The following USP2 variants were observed in gnomAD, a reference collection of about 807,000 sequenced individuals.
The protein encoded by USP2 is ubiquitin specific peptidase 2, also known as ubiquitin carboxyl-terminal hydrolase 2.
A neutral mutation model predicts 72.0 loss-of-function variants in USP2; 33 were observed. The observed-to-expected ratio is 0.46, with a 90% CI of 0.35 to 0.61. The LOEUF (loss-of-function observed/expected upper bound fraction) is 0.61. Among genes scored for constraint, USP2 ranks in the 20% least tolerant of loss-of-function variants. The probability of loss-of-function intolerance (pLI) is 0.01; values close to 1 mark genes in which losing one functional copy is unlikely to be tolerated. For synonymous variants in USP2, 296 were observed against 312.5 expected, an observed-to-expected ratio of 0.95 and a Z score of 0.56; for missense variants, 691 against 797.8, an observed-to-expected ratio of 0.87 and a Z score of 1.61.
chr11:119,374,435 C>T (rs1950974453), intron 1 of USP2, among the ~76,000 whole-genome samples: 1 of 152,254 alleles, frequency 6.6e-6, no homozygotes, highest in African/African-American at 2.4e-5. Context: ...AACACAGACA[C>T]TGCTGAATGT....
chr11:119,375,308 G>T (rs1004016877), intron 1 of USP2, among the ~76,000 whole-genome samples: 1 of 152,220 alleles, frequency 6.6e-6, no homozygotes, highest in Non-Finnish European at 1.5e-5. Context: ...TGAGCAGGTG[G>T]CTTCCATATA....
At chr11:119,380,212 C>T (rs535641832) in intron 1 of USP2, among the ~76,000 whole-genome samples, 25 of 152,016 alleles carry the variant, frequency 1.6e-4, no homozygotes, top group Admixed American at 9.8e-4. Flanking sequence ...CCACTGCTCC[C>T]GGCCGGAAGT....
chr11:119,357,300 A>G lies in USP2; in HGVS notation c.1617T>C (p.Ala539=), dbSNP rs1237359490. 1.2e-6 allele frequency: 2 copies of G among 1,613,208 alleles called. No individual in the cohort carries two copies. The highest frequency in any genetic ancestry group is 1.3e-5 in the African/African-American group (1 of 74,676). The change falls in exon 12 of 13, where the codon GCT becomes GCC. Residue 539 remains alanine, a synonymous_variant. Transcript: ENST00000260187. ...TGGACACAGCGTACAGGTTGTAAAC[A>G]GCATGGTCTGAGGAGGAGGCAGCCG... ...REFASENTNH[A]VYNLYAVSNH... is the part of the protein sequence containing the mutation.
At chr11:119,368,511 G>A (rs1167327077) in intron 2 of USP2, among the ~76,000 whole-genome samples, 1 of 152,200 alleles carries the variant, frequency 6.6e-6, no homozygotes, top group Non-Finnish European at 1.5e-5. Context: ...TCCCACCCCA[G>A]GGAAAAATCA....
At chr11:119,372,655 C>G in intron 2 of USP2, 52 bp downstream of exon 2, 2 of 1,485,826 alleles carry the variant, frequency 1.3e-6, no homozygotes, top group Non-Finnish European at 1.8e-6. Flanking sequence ...TGGCTGTTCT[C>G]CATCAGTGGC....
chr11:119,360,613 CAG>C (rs563752359), intron 2 of USP2, among the ~76,000 whole-genome samples: 1 of 152,152 alleles, frequency 6.6e-6, no homozygotes, highest in South Asian at 2.1e-4. Context: ...TTAGTAGAGA[CAG>C]GGTTTCGTCA....
intron 2 of USP2, among the ~76,000 whole-genome samples, chr11:119,368,664 C>T (rs887016392): frequency 2.0e-5 from 3 of 152,192 alleles, no homozygotes; most frequent in African/African-American, 4.8e-5. Flanking sequence ...GGTCCTAGAG[C>T]GGAGGGCAAG....
chr11:119,373,768 G>A (rs576468895), intron 1 of USP2, among the ~76,000 whole-genome samples: 1 of 152,264 alleles, frequency 6.6e-6, no homozygotes, highest in African/African-American at 2.4e-5. Context: ...GGAAGTCAGC[G>A]CATCCTGGCC....
chr11:119,369,900 C>T (rs150048335), intron 2 of USP2, among the ~76,000 whole-genome samples: 290 of 152,230 alleles, frequency 1.9e-3, no homozygotes, highest in African/African-American at 6.8e-3. Flanking sequence ...TCTTCTTGGC[C>T]AGGCGTGGTG....
intron 2 of USP2, among the ~76,000 whole-genome samples, chr11:119,371,376 G>A (rs1379486642): frequency 6.6e-6 from 1 of 152,126 alleles, no homozygotes; most frequent in Non-Finnish European, 1.5e-5. Context: ...CACCCTGAGA[G>A]CTGATACTTC....
chr11:119,377,574 C>G (rs975416617), intron 1 of USP2, among the ~76,000 whole-genome samples: 1 of 152,302 alleles, frequency 6.6e-6, no homozygotes, highest in Non-Finnish European at 1.5e-5. Context: ...GTGCCAAGCC[C>G]CTGCATGTCC....
In USP2 at chr11:119,357,167, G is replaced by A. The variant is rs774720400; in HGVS notation, c.1730+20C>T. The A allele has an allele frequency of 2.0e-5, 32 of 1,612,646 alleles. No homozygotes were observed. Among genetic ancestry groups the A allele is most frequent in the Non-Finnish European group, 2.5e-5 (30 of 1,179,706 alleles). On this transcript the variant is annotated intron_variant, in intron 12 of 12. Coordinates refer to ENST00000260187, the MANE Select transcript of USP2 (RefSeq NM_004205.5). ...GTGGGTGGCTACAGCCAGGGGCTCC[G>A]GCCCTGCCCTGGCTCTCACCTGGAG... is the stretch of plus-strand genomic sequence containing the variant.
chr11:119,356,759 T>C lies in USP2; in HGVS notation c.*76A>G, dbSNP rs1274057782. On this transcript the variant is annotated 3_prime_UTR_variant, in exon 13 of 13. Coordinates refer to ENST00000260187, the MANE Select transcript of USP2 (RefSeq NM_004205.5). ...TCAGGTTTGTGTGTTGTTGTTGTTG[T>C]TTTGTTTTTGTCTTTTTAAAAAATT... 3 of 1,359,548 alleles carry C rather than the reference T, an allele frequency of 2.2e-6. No individual in the cohort carries two copies. The highest frequency in any genetic ancestry group is 3.0e-6 in the Non-Finnish European group (3 of 1,003,346). The allele number at this position is 1,359,548 out of a possible 1,614,324, so 84.2% of individuals were successfully genotyped here. A position where few individuals can be genotyped will look rare whatever the true frequency, so the allele number is the denominator to read the frequency against.
At position 119,359,664 on chromosome 11, in the gene USP2, C is replaced by G. The variant is rs747611298; in HGVS notation, c.826-4G>C. 1 of 1,613,008 alleles carries G rather than the reference C, an allele frequency of 6.2e-7. No individual in the cohort carries two copies. The highest frequency in any genetic ancestry group is 1.1e-5 in the South Asian group (1 of 91,064). On this transcript the variant is annotated splice_region_variant and splice_polypyrimidine_tract_variant and intron_variant, in intron 3 of 12. Transcript: ENST00000260187. The stretch of plus-strand genomic sequence containing the variant: ...GCAGAATTGAGTTCATGAAGCACTG[C>G]AAGAGATGACCAGGCAATCAGTGGG...
chr11:119,361,610 G>C (rs1019970850), intron 2 of USP2, among the ~76,000 whole-genome samples: 3 of 151,260 alleles, frequency 2.0e-5, no homozygotes, highest in Non-Finnish European at 2.9e-5. Context: ...GTTGTCAGCT[G>C]GGGGGGAGGG....
chr11:119,358,474 C>G (rs1002161738), intron 7 of USP2, among the ~76,000 whole-genome samples: 25 of 152,152 alleles, frequency 1.6e-4, no homozygotes, highest in Admixed American at 5.9e-4. Flanking sequence ...CACCACCATG[C>G]CTGGCTAATT....
At position 119,359,237 on chromosome 11, in the gene USP2, C is replaced by G; in HGVS notation, c.1055G>C (p.Gly352Ala). 3 of 1,613,946 alleles carry G rather than the reference C, an allele frequency of 1.9e-6. No homozygotes were observed. Among genetic ancestry groups the G allele is most frequent in the Non-Finnish European group, 2.5e-6 (3 of 1,179,922 alleles). Residue 352 changes from glycine (G) to alanine (A), a missense_variant, in exon 5 of 13, where the codon GGC becomes GCC. Coordinates refer to ENST00000260187, the MANE Select transcript of USP2 (RefSeq NM_004205.5). ...QIQRYAPRFV[G>A]YNQQDAQEFL... ...ATGTCTGCAAGGCCCTTACTTATAGCCAACAAAGCGCGGTGCGTATCTCTG... is the reference window on the plus strand; with the variant it reads ...ATGTCTGCAAGGCCCTTACTTATAGGCAACAAAGCGCGGTGCGTATCTCTG...
At chr11:119,360,920 A>G (rs567555164) in intron 2 of USP2, among the ~76,000 whole-genome samples, 12 of 152,366 alleles carry the variant, frequency 7.9e-5, no homozygotes, top group Non-Finnish European at 1.3e-4. Context: ...TCCAGGTGCT[A>G]TCTCAAATGA....
chr11:119,360,281 G>A, intron 2 of USP2, 47 bp from the exon 3 acceptor site: 1 of 1,598,310 alleles, frequency 6.3e-7, no homozygotes, highest in Non-Finnish European at 8.6e-7. Flanking sequence ...AAAGATGCTA[G>A]GCCTGTGCTG....
Sources: gnomAD v4.1 joint callset for allele counts (sites outside exome capture counted in the v4.1 genomes callset) on GRCh38, gnomAD v4.1.1 for gene constraint, MANE v1.5 for transcripts, NCBI Gene and HGNC (gene_info 2026-07-23, HGNC 2026-07-21) for gene names.